Variants in PCDH9 observed in about 807,000 individuals in gnomAD.
PCDH9 encodes the protein protocadherin 9.
Under a neutral mutation model 70.6 loss-of-function variants are expected in PCDH9, and 24 were observed. The ratio of observed to expected loss-of-function variants is 0.34; its 90% CI spans 0.25 to 0.48. The LOEUF (loss-of-function observed/expected upper bound fraction) is 0.48. Among genes scored for constraint, PCDH9 ranks in the 20% least tolerant of loss-of-function variants. The probability of loss-of-function intolerance (pLI) is 0.99; values close to 1 mark genes in which losing one functional copy is unlikely to be tolerated. For missense variants in PCDH9, 1,281 were observed against 1,503.6 expected (o/e 0.85, Z 2.45); for synonymous variants, 562 against 558.5 (o/e 1.01, Z -0.09).
chr13:66,659,067 AAC>A (rs1314497762), intron 3 of PCDH9, among the ~76,000 whole-genome samples: 1 of 152,194 alleles, frequency 6.6e-6, no homozygotes, highest in Non-Finnish European at 1.5e-5. Flanking sequence ...AAAACAATAA[AAC>A]ACAACAACAA....
chr13:66,427,101 C>A (rs1957684236), intron 4 of PCDH9, among the ~76,000 whole-genome samples: 1 of 151,414 alleles, frequency 6.6e-6, no homozygotes, highest in South Asian at 2.1e-4. Flanking sequence ...AAAATATTTT[C>A]CACATGAATG....
chr13:67,007,323 A>C (rs540868974), intron 2 of PCDH9, among the ~76,000 whole-genome samples: 1 of 152,272 alleles, frequency 6.6e-6, no homozygotes, highest in South Asian at 2.1e-4. Flanking sequence ...TGAGTAAAAA[A>C]ACACAAATAG....
intron 4 of PCDH9, among the ~76,000 whole-genome samples, chr13:66,622,818 G>C (rs181859027): frequency 2.7e-4 from 41 of 152,208 alleles, no homozygotes; most frequent in Non-Finnish European, 5.9e-4. Context: ...CTGTGGAAGC[G>C]TTGTGCTTTC....
chr13:67,172,859 C>A (rs563019329), intron 2 of PCDH9, among the ~76,000 whole-genome samples: 5 of 110,296 alleles, frequency 4.5e-5, no homozygotes, highest in Admixed American at 2.9e-4. Flanking sequence ...GCCTGGGAGA[C>A]AGAGCGAGAC....
intron 2 of PCDH9, among the ~76,000 whole-genome samples, chr13:66,919,442 C>T (rs1362878920): frequency 6.6e-6 from 1 of 151,138 alleles, no homozygotes; most frequent in African/African-American, 2.4e-5. Context: ...TTGTCTATTT[C>T]TTCCTTGATG....
intron 4 of PCDH9, among the ~76,000 whole-genome samples, chr13:66,560,273 C>T (rs752193600): frequency 1.3e-5 from 2 of 152,080 alleles, no homozygotes; most frequent in East Asian, 3.8e-4. Flanking sequence ...CCCTCAGACA[C>T]ACCTCCAGCT....
intron 3 of PCDH9, among the ~76,000 whole-genome samples, chr13:66,787,295 C>CT (rs1049194576): frequency 6.6e-6 from 1 of 152,052 alleles, no homozygotes; most frequent in African/African-American, 2.4e-5. Context: ...AAAGTGAAGA[C>CT]TTTTTTAAAA....
At chr13:66,987,340 T>A (rs2083912754) in intron 2 of PCDH9, among the ~76,000 whole-genome samples, 1 of 152,050 alleles carries the variant, frequency 6.6e-6, no homozygotes, top group South Asian at 2.1e-4. Flanking sequence ...CCTTGCCTGT[T>A]TATAAACACT....
chr13:67,080,397 A>G (rs1367482618), intron 2 of PCDH9, among the ~76,000 whole-genome samples: 1 of 152,190 alleles, frequency 6.6e-6, no homozygotes, highest in Non-Finnish European at 1.5e-5. Flanking sequence ...ATTTCAGAAC[A>G]CCAACTTTGG....
intron 4 of PCDH9, among the ~76,000 whole-genome samples, chr13:66,355,015 A>T (rs1477298965): frequency 6.6e-6 from 1 of 152,148 alleles, no homozygotes; most frequent in Non-Finnish European, 1.5e-5. Flanking sequence ...ACAAGCTCCC[A>T]GGTGCTGTTA....
At chr13:66,563,685 C>A (rs112490375) in intron 4 of PCDH9, among the ~76,000 whole-genome samples, 2 of 152,178 alleles carry the variant, frequency 1.3e-5, no homozygotes, top group African/African-American at 4.8e-5. Context: ...CCATTCAATT[C>A]TCAAGACATT....
chr13:67,229,228 C>G (rs542070153), intron 1 of PCDH9, among the ~76,000 whole-genome samples: 3 of 152,296 alleles, frequency 2.0e-5, no homozygotes, highest in African/African-American at 7.2e-5. Context: ...TCTCCTTTCT[C>G]CATATTGACA....
At chr13:66,627,562 A>T (rs2077515206) in intron 4 of PCDH9, among the ~76,000 whole-genome samples, 1 of 152,150 alleles carries the variant, frequency 6.6e-6, no homozygotes, top group Admixed American at 6.5e-5. Flanking sequence ...CATCAAGAGA[A>T]CTGCTGGCCT....
At chr13:66,800,544 C>T (rs963400340) in intron 3 of PCDH9, among the ~76,000 whole-genome samples, 4 of 152,104 alleles carry the variant, frequency 2.6e-5, no homozygotes, top group Admixed American at 2.6e-4. Context: ...ATTAAAATCT[C>T]CAGTGCCTAG....
At chr13:66,988,551 G>A (rs1274147226) in intron 2 of PCDH9, among the ~76,000 whole-genome samples, 1 of 151,998 alleles carries the variant, frequency 6.6e-6, no homozygotes, top group Non-Finnish European at 1.5e-5. Context: ...TTCATTATTG[G>A]AGAGTATTGC....
intron 3 of PCDH9, among the ~76,000 whole-genome samples, chr13:66,837,038 C>A (rs768980569): frequency 1.3e-5 from 2 of 152,162 alleles, no homozygotes; most frequent in Non-Finnish European, 2.9e-5. Flanking sequence ...ACATAAGAGA[C>A]CACCTGTGTG....
intron 2 of PCDH9, chr13:66,991,093 AG>A (rs1159536244): frequency 6.6e-6 from 1 of 152,034 alleles, no homozygotes; most frequent in African/African-American, 2.4e-5. Context: ...CATCTGGACC[AG>A]AGTCGGTAAT....
intron 3 of PCDH9, among the ~76,000 whole-genome samples, chr13:66,632,905 A>G (rs1439635473): frequency 6.6e-6 from 1 of 152,048 alleles, no homozygotes; most frequent in Non-Finnish European, 1.5e-5. Context: ...CAATATAATC[A>G]TTTTCTAGTA....
At chr13:66,829,397 G>A (rs999374977) in intron 3 of PCDH9, among the ~76,000 whole-genome samples, 1 of 151,932 alleles carries the variant, frequency 6.6e-6, no homozygotes, top group Non-Finnish European at 1.5e-5. Context: ...AGTTGGAAAA[G>A]GCAAAAAATA....
Sources: gnomAD v4.1 joint callset for allele counts (sites outside exome capture counted in the v4.1 genomes callset) on GRCh38, gnomAD v4.1.1 for gene constraint, MANE v1.5 for transcripts, NCBI Gene and HGNC (gene_info 2026-07-23, HGNC 2026-07-21) for gene names.